The following PTPRT variants were observed in gnomAD, a reference collection of about 807,000 sequenced individuals.
PTPRT encodes the protein protein tyrosine phosphatase receptor type T, also known as receptor-type tyrosine-protein phosphatase T.
Under a neutral mutation model 176.8 loss-of-function variants are expected in PTPRT, and 56 were observed. That is an observed-to-expected ratio of 0.32 (90% CI 0.26 to 0.40). The LOEUF (loss-of-function observed/expected upper bound fraction) is 0.40, where lower values mean the gene tolerates loss of function less well. Among genes scored for constraint, PTPRT ranks in the 10% least tolerant of loss-of-function variants. The pLI, the probability that PTPRT is intolerant of heterozygous loss-of-function variation, is 1.00. For synonymous variants in PTPRT, 783 were observed against 739.0 expected, an observed-to-expected ratio of 1.06 and a Z score of -0.96; for missense variants, 1,540 against 1,908.2, an observed-to-expected ratio of 0.81 and a Z score of 3.60.
At chr20:43,129,869 C>T (rs56159206) in intron 1 of PTPRT, among the ~76,000 whole-genome samples, 2,921 of 152,056 alleles carry the variant, frequency 0.019, 56 homozygotes, top group South Asian at 0.078. Flanking sequence ...CCGCCCGCCT[C>T]GGCCTCCCAA....
intron 7 of PTPRT, among the ~76,000 whole-genome samples, chr20:42,560,935 T>TCCA (rs1032131921): frequency 2.6e-5 from 4 of 152,124 alleles, no homozygotes; most frequent in Non-Finnish European, 4.4e-5. Flanking sequence ...CCCTCCACTC[T>TCCA]CCACCCCCAG....
chr20:42,923,197 G>A (rs999018466), intron 1 of PTPRT, among the ~76,000 whole-genome samples: 1 of 152,112 alleles, frequency 6.6e-6, no homozygotes, highest in Non-Finnish European at 1.5e-5. Context: ...GAACTTTAAA[G>A]GTCACTTCCA....
At chr20:42,894,295 C>G (rs1012328159) in intron 1 of PTPRT, among the ~76,000 whole-genome samples, 4 of 152,054 alleles carry the variant, frequency 2.6e-5, no homozygotes, top group Non-Finnish European at 5.9e-5. Flanking sequence ...TAACGGTTTG[C>G]AAGGACCAAG....
At chr20:42,972,785 A>G (rs1302667820) in intron 1 of PTPRT, among the ~76,000 whole-genome samples, 1 of 151,416 alleles carries the variant, frequency 6.6e-6, no homozygotes, top group Non-Finnish European at 1.5e-5. Flanking sequence ...GCTGGCGTCT[A>G]TTTTGGAAAG....
chr20:42,518,889 T>C (rs1366652483), intron 7 of PTPRT, among the ~76,000 whole-genome samples: 2 of 152,178 alleles, frequency 1.3e-5, no homozygotes, highest in Non-Finnish European at 2.9e-5. Flanking sequence ...TAATGTACAG[T>C]ATTTTATTTA....
At chr20:42,385,244 A>C (rs7347767) in intron 9 of PTPRT, among the ~76,000 whole-genome samples, 1 of 152,210 alleles carries the variant, frequency 6.6e-6, no homozygotes, top group Non-Finnish European at 1.5e-5. Flanking sequence ...ATATTAGTAC[A>C]TTAAATCTTT....
At chr20:42,623,618 T>C (rs2074238311) in intron 7 of PTPRT, among the ~76,000 whole-genome samples, 1 of 152,220 alleles carries the variant, frequency 6.6e-6, no homozygotes. Flanking sequence ...ATCATTCTGC[T>C]AGGGCCTTCG....
At chr20:43,100,091 A>G (rs2012330404) in intron 1 of PTPRT, among the ~76,000 whole-genome samples, 1 of 152,176 alleles carries the variant, frequency 6.6e-6, no homozygotes, top group Non-Finnish European at 1.5e-5. Context: ...TATAGACACA[A>G]TGTGTCGGGC....
chr20:43,168,029 C>A (rs1488703609), intron 1 of PTPRT, among the ~76,000 whole-genome samples: 1 of 152,200 alleles, frequency 6.6e-6, no homozygotes, highest in Admixed American at 6.5e-5. Flanking sequence ...TAATTGGTCA[C>A]GCAGCAACAG....
chr20:42,094,075 G>A (rs964915761), intron 27 of PTPRT, among the ~76,000 whole-genome samples: 6 of 152,204 alleles, frequency 3.9e-5, no homozygotes, highest in Non-Finnish European at 5.9e-5. Context: ...CTGAAAGGGG[G>A]AGCTATAGCC....
At chr20:42,525,344 G>T (rs1350563802) in intron 7 of PTPRT, among the ~76,000 whole-genome samples, 1 of 151,998 alleles carries the variant, frequency 6.6e-6, no homozygotes, top group Admixed American at 6.6e-5. Context: ...ATTCACTGAG[G>T]GTATATGATT....
intron 2 of PTPRT, among the ~76,000 whole-genome samples, chr20:42,849,444 G>A (rs1350552899): frequency 6.6e-6 from 1 of 152,194 alleles, no homozygotes. Context: ...TGCTTCTGGG[G>A]AAAGTGGAAA....
chr20:42,997,352 C>G (rs1267019074), intron 1 of PTPRT, among the ~76,000 whole-genome samples: 2 of 150,958 alleles, frequency 1.3e-5, no homozygotes, highest in Non-Finnish European at 2.9e-5. Flanking sequence ...TAGCCTCTTC[C>G]TGGTTCCATT....
intron 17 of PTPRT, among the ~76,000 whole-genome samples, chr20:42,142,588 A>AC (rs1988679850): frequency 1.3e-5 from 2 of 151,292 alleles, no homozygotes; most frequent in African/African-American, 4.9e-5. Flanking sequence ...TTGTTCAAAG[A>AC]CCCCCCAGTG....
intron 3 of PTPRT, among the ~76,000 whole-genome samples, chr20:42,784,017 G>A (rs1190349121): frequency 6.6e-6 from 1 of 152,138 alleles, no homozygotes; most frequent in Non-Finnish European, 1.5e-5. Context: ...CAGCTCCAAG[G>A]CTGCCATGTG....
intron 1 of PTPRT, among the ~76,000 whole-genome samples, chr20:43,129,913 C>T (rs1202920450): frequency 6.6e-6 from 1 of 152,204 alleles, no homozygotes; most frequent in East Asian, 1.9e-4. Context: ...CCACCGCGCC[C>T]AGCCCAAAGA....
intron 12 of PTPRT, among the ~76,000 whole-genome samples, chr20:42,296,569 A>T (rs989661791): frequency 1.3e-5 from 2 of 152,204 alleles, no homozygotes; most frequent in Non-Finnish European, 2.9e-5. Context: ...CACACCAGAA[A>T]GTATTATAAA....
intron 1 of PTPRT, among the ~76,000 whole-genome samples, chr20:42,957,396 T>G (rs1401295430): frequency 5.3e-5 from 8 of 152,198 alleles, no homozygotes; most frequent in African/African-American, 4.8e-5. Context: ...TTTAATCTCA[T>G]ACATTGATTT....
At chr20:43,086,804 G>A (rs1443198251) in intron 1 of PTPRT, among the ~76,000 whole-genome samples, 5 of 152,142 alleles carry the variant, frequency 3.3e-5, no homozygotes, top group Non-Finnish European at 7.4e-5. Context: ...CGGGGGCTGG[G>A]AGGGAAGAAT....
Sources: gnomAD v4.1 joint callset for allele counts (sites outside exome capture counted in the v4.1 genomes callset) on GRCh38, gnomAD v4.1.1 for gene constraint, MANE v1.5 for transcripts, NCBI Gene and HGNC (gene_info 2026-07-23, HGNC 2026-07-21) for gene names.